Variants in TGFBR3 observed in about 807,000 individuals in gnomAD.
The protein encoded by TGFBR3 is transforming growth factor beta receptor type 3.
TGFBR3 carries 46 observed loss-of-function variants against 87.9 expected under a neutral mutation model. That is an observed-to-expected ratio of 0.52 (90% CI 0.41 to 0.67). TGFBR3 has a LOEUF of 0.67. Among genes scored for constraint, TGFBR3 ranks in the 30% least tolerant of loss-of-function variants. The pLI is 0.00. For missense variants in TGFBR3, 866 were observed against 1,041.9 expected, an observed-to-expected ratio of 0.83 and a Z score of 2.32; for synonymous variants, 381 against 391.6, an observed-to-expected ratio of 0.97 and a Z score of 0.32.
chr1:91,882,651 A>C (rs953908325), intron 1 of TGFBR3, among the ~76,000 whole-genome samples: 3 of 152,108 alleles, frequency 2.0e-5, no homozygotes, highest in Non-Finnish European at 4.4e-5. Flanking sequence ...AGGCTGAGGC[A>C]GGAGAATGGC....
chr1:91,808,565 G>A (rs1185168632), intron 2 of TGFBR3, among the ~76,000 whole-genome samples: 12 of 152,038 alleles, frequency 7.9e-5, no homozygotes, highest in Non-Finnish European at 1.8e-4. Flanking sequence ...TCCTGGGTTC[G>A]AGTGATTCTC....
chr1:91,699,431 C>CTTTGTTTT (rs1671545847), intron 14 of TGFBR3, among the ~76,000 whole-genome samples: 1 of 80,846 alleles, frequency 1.2e-5, no homozygotes, highest in Admixed American at 2.0e-4. Flanking sequence ...CTTTCTTTTG[C>CTTTGTTTT]TTTTTTTTTT....
chr1:91,773,308 ACTCTAT>A (rs1457344881), intron 3 of TGFBR3, among the ~76,000 whole-genome samples: 2 of 151,548 alleles, frequency 1.3e-5, no homozygotes, highest in Non-Finnish European at 2.9e-5. Flanking sequence ...AAAAGGTTAG[ACTCTAT>A]CTCTATGGCC....
chr1:91,841,846 T>C (rs1302196600), intron 2 of TGFBR3, among the ~76,000 whole-genome samples: 1 of 145,888 alleles, frequency 6.9e-6, no homozygotes, highest in African/African-American at 2.5e-5. Flanking sequence ...GGCTCACACC[T>C]GTAATCACAA....
chr1:91,844,320 T>C (rs932222498), intron 2 of TGFBR3, among the ~76,000 whole-genome samples: 3 of 152,172 alleles, frequency 2.0e-5, no homozygotes, highest in African/African-American at 4.8e-5. Context: ...GAAGAGTAGA[T>C]TGAAGAGGAT....
chr1:91,848,521 C>T (rs1677596416), intron 2 of TGFBR3, among the ~76,000 whole-genome samples: 1 of 152,078 alleles, frequency 6.6e-6, no homozygotes, highest in Admixed American at 6.6e-5. Flanking sequence ...TATGAATATC[C>T]TTATTATAAA....
intron 1 of TGFBR3, among the ~76,000 whole-genome samples, chr1:91,883,554 T>G (rs753183782): frequency 1.3e-5 from 2 of 152,204 alleles, no homozygotes; most frequent in Non-Finnish European, 2.9e-5. Flanking sequence ...ATGCGCCTTA[T>G]AGATATCAAC....
At chr1:91,827,157 C>CG (rs1676673239) in intron 2 of TGFBR3, among the ~76,000 whole-genome samples, 1 of 152,038 alleles carries the variant, frequency 6.6e-6, no homozygotes, top group African/African-American at 2.4e-5. Context: ...GGTAAGCTCC[C>CG]GGGGTGGGGA....
chr1:91,861,614 T>C lies in TGFBR3; in HGVS notation c.-83A>G. On this transcript the variant is annotated 5_prime_UTR_variant, in exon 2 of 17. Transcript: ENST00000212355. ...CAATCTTTGCAAATCAGAAGTAGTCTTAAAGTCCCTCCTTGCAATTTTCAA... is the reference window on the plus strand; with the variant it reads ...CAATCTTTGCAAATCAGAAGTAGTCCTAAAGTCCCTCCTTGCAATTTTCAA... 3.7e-6 allele frequency: 4 copies of C among 1,076,388 alleles called. No individual in the cohort carries two copies. The highest frequency in any genetic ancestry group is 5.8e-6 in the Non-Finnish European group (4 of 692,212). The allele number at this position is 1,076,388 out of a possible 1,614,324, so 66.7% of individuals were successfully genotyped here.
In TGFBR3 at chr1:91,886,133, G is replaced by A. The variant is rs1571606063; in HGVS notation, c.-369C>T. 2.2e-6 allele frequency: 1 copy of A among 454,084 alleles called. No individual in the cohort carries two copies. Among genetic ancestry groups the A allele is most frequent in the South Asian group, 1.6e-5 (1 of 64,480 alleles). 28.1% of individuals were successfully genotyped at this position (454,084 alleles called of 1,614,324 possible). On this transcript the variant is annotated 5_prime_UTR_variant, in exon 1 of 17. In the 5' UTR this introduces an upstream ATG that the reference lacks. Transcript: ENST00000212355. ...TGGGAAGAGGAAAGTGCCGCTCGGC[G>A]TCCCCGAAACCCTCGATTACCCCCA...
chr1:91,891,073 T>G (rs1362638682), upstream of TGFBR3, among the ~76,000 whole-genome samples: 2 of 151,836 alleles, frequency 1.3e-5, no homozygotes, highest in Non-Finnish European at 2.9e-5. Flanking sequence ...AATTTTTGTA[T>G]TTTTAGTAGA....
Position 91,681,086 on chromosome 1 carries a change from CAAA to C in TGFBR3, c.*2650_*2652del. Reference sequence around the variant, plus strand: ...TTAAGGGTGTAGCCTGCAGAAATAACAAAAGACTGCAGATACAAGAGTTCAGCT... The same window carrying C: ...TTAAGGGTGTAGCCTGCAGAAATAACAGACTGCAGATACAAGAGTTCAGCT... On this transcript the variant is annotated 3_prime_UTR_variant, in exon 17 of 17. Coordinates refer to ENST00000212355, the MANE Select transcript of TGFBR3 (RefSeq NM_003243.5). The C allele has an allele frequency of 4.4e-6, 2 of 453,866 alleles. No individual in the cohort carries two copies. Among genetic ancestry groups the C allele is most frequent in the Non-Finnish European group, 8.8e-6 (2 of 226,782 alleles). The allele number at this position is 453,866 out of a possible 1,614,324, so 28.1% of individuals were successfully genotyped here. A position where few individuals can be genotyped will look rare whatever the true frequency, so the allele number is the denominator to read the frequency against.
chr1:91,768,156 G>T (rs1311551821), intron 3 of TGFBR3, among the ~76,000 whole-genome samples: 1 of 150,428 alleles, frequency 6.6e-6, no homozygotes, highest in East Asian at 1.9e-4. Flanking sequence ...AAGTTGAGTT[G>T]AGCCGAGATC....
intron 3 of TGFBR3, among the ~76,000 whole-genome samples, chr1:91,769,485 C>T (rs1571491712): frequency 6.6e-6 from 1 of 152,070 alleles, no homozygotes; most frequent in Non-Finnish European, 1.5e-5. Context: ...CCCCACCTGG[C>T]CACCCCACTT....
At chr1:91,764,405 A>G (rs936947118) in intron 3 of TGFBR3, among the ~76,000 whole-genome samples, 3 of 151,524 alleles carry the variant, frequency 2.0e-5, no homozygotes, top group African/African-American at 7.3e-5. Flanking sequence ...ATGCCCTGGA[A>G]AAATACTGGG....
At chr1:91,899,788 A>T (rs1679651474) in intron 1 of TGFBR3, 7 of 152,092 alleles carry the variant, frequency 4.6e-5, no homozygotes, top group Admixed American at 4.6e-4. Flanking sequence ...GAACTCCTGA[A>T]ATACCAAGAA....
At chr1:91,766,818 C>T (rs552573956) in intron 3 of TGFBR3, among the ~76,000 whole-genome samples, 1 of 133,282 alleles carries the variant, frequency 7.5e-6, no homozygotes, top group East Asian at 2.0e-4. Flanking sequence ...ATCCTGAATT[C>T]CAACGGGACA....
chr1:91,781,854 C>G (rs1262627583), intron 3 of TGFBR3, among the ~76,000 whole-genome samples: 1 of 152,014 alleles, frequency 6.6e-6, no homozygotes, highest in Non-Finnish European at 1.5e-5. Context: ...GAAAAAGTAA[C>G]TTGGAGTAGG....
intron 1 of TGFBR3, among the ~76,000 whole-genome samples, chr1:91,876,728 T>C (rs1426235351): frequency 6.6e-6 from 1 of 152,224 alleles, no homozygotes; most frequent in East Asian, 1.9e-4. Context: ...CTAAATGCTC[T>C]TCTATTTGCT....
Sources: allele counts gnomAD v4.1 joint callset (sites outside exome capture counted in the v4.1 genomes callset), GRCh38; gene constraint gnomAD v4.1.1; transcripts MANE v1.5; gene names NCBI Gene and HGNC (gene_info 2026-07-23, HGNC 2026-07-21).